Variants in STIM1 observed in about 807,000 individuals in gnomAD.
The protein encoded by STIM1 is stromal interaction molecule 1.
A neutral mutation model predicts 74.7 loss-of-function variants in STIM1; 25 were observed. The observed-to-expected ratio is 0.33, with a 90% CI of 0.24 to 0.47. STIM1 has a LOEUF of 0.47. Among genes scored for constraint, STIM1 ranks in the 20% least tolerant of loss-of-function variants. The pLI is 1.00. For synonymous variants in STIM1, 328 were observed against 348.8 expected (o/e 0.94, Z 0.66); for missense variants, 728 against 920.8 (o/e 0.79, Z 2.71).
chr11:3,892,872 C>G (rs750873366), intron 1 of STIM1: 3 of 1,587,388 alleles, frequency 1.9e-6, no homozygotes, highest in Non-Finnish European at 2.6e-6. Context: ...TCGAAGAACA[C>G]GGTGGGGTTA....
intron 2 of STIM1, chr11:3,989,041 A>G: frequency 9.5e-7 from 1 of 1,057,874 alleles, no homozygotes; most frequent in Admixed American, 2.1e-5. Context: ...CCTCCTTCTT[A>G]AAAATGTTTC....
intron 2 of STIM1, among the ~76,000 whole-genome samples, chr11:3,978,223 AC>A (rs1413277288): frequency 9.5e-5 from 14 of 147,588 alleles, no homozygotes; most frequent in African/African-American, 3.5e-4. Context: ...ATCTCGGCTT[AC>A]CGCAACCTCC....
chr11:3,969,845 T>A (rs920224965), intron 2 of STIM1, among the ~76,000 whole-genome samples: 4 of 152,210 alleles, frequency 2.6e-5, no homozygotes, highest in Non-Finnish European at 4.4e-5. Context: ...ACGACCATGA[T>A]GTAAGTATCT....
intron 1 of STIM1, among the ~76,000 whole-genome samples, chr11:3,897,726 C>T (rs1204525261): frequency 6.6e-6 from 1 of 151,152 alleles, no homozygotes; most frequent in Non-Finnish European, 1.5e-5. Context: ...CATGTGTTCT[C>T]ATTGTTCAAT....
intron 1 of STIM1, chr11:3,868,280 AATG>A (rs1252757739): frequency 6.6e-6 from 1 of 152,260 alleles, no homozygotes; most frequent in Non-Finnish European, 1.5e-5. Flanking sequence ...CGATGGTAAG[AATG>A]ATGATGACAG....
At chr11:3,959,404 G>T (rs2093259661) in intron 1 of STIM1, among the ~76,000 whole-genome samples, 1 of 152,192 alleles carries the variant, frequency 6.6e-6, no homozygotes, top group Non-Finnish European at 1.5e-5. Flanking sequence ...CTTTTTGGGA[G>T]ATATGGTTTT....
At chr11:4,010,430 C>T (rs755631936) in intron 2 of STIM1, among the ~76,000 whole-genome samples, 28 of 152,144 alleles carry the variant, frequency 1.8e-4, no homozygotes, top group African/African-American at 2.7e-4. Flanking sequence ...TTCAGCCTCC[C>T]GATGTGCTGG....
intron 1 of STIM1, among the ~76,000 whole-genome samples, chr11:3,906,136 G>T (rs889839385): frequency 2.0e-5 from 3 of 152,230 alleles, no homozygotes; most frequent in African/African-American, 7.2e-5. Flanking sequence ...GCCCAGAGGG[G>T]CTTATCCTTT....
intron 1 of STIM1, among the ~76,000 whole-genome samples, chr11:3,958,782 C>T (rs1202387860): frequency 1.3e-5 from 2 of 152,068 alleles, no homozygotes; most frequent in South Asian, 4.2e-4. Flanking sequence ...CCAGCCTGGC[C>T]AACATGGTGA....
intron 3 of STIM1, among the ~76,000 whole-genome samples, chr11:4,025,444 G>A (rs955400017): frequency 3.3e-5 from 5 of 152,228 alleles, no homozygotes; most frequent in African/African-American, 7.2e-5. Context: ...AATAGCTCTC[G>A]AGCAACTCAG....
At chr11:4,018,052 C>T (rs1013684467) in intron 2 of STIM1, among the ~76,000 whole-genome samples, 7 of 152,344 alleles carry the variant, frequency 4.6e-5, no homozygotes, top group South Asian at 2.1e-4. Flanking sequence ...GCATGGCTCA[C>T]GCCTATAATC....
At chr11:3,945,989 A>G (rs1432498737) in intron 1 of STIM1, among the ~76,000 whole-genome samples, 1 of 152,174 alleles carries the variant, frequency 6.6e-6, no homozygotes, top group East Asian at 1.9e-4. Flanking sequence ...TGTGAGAACT[A>G]TCATGAAGAC....
chr11:4,032,732 C>G (rs913851090), intron 3 of STIM1, among the ~76,000 whole-genome samples: 4 of 152,162 alleles, frequency 2.6e-5, no homozygotes, highest in African/African-American at 9.7e-5. Flanking sequence ...ACTTTCACAT[C>G]TTTTGTCAGA....
intron 12 of STIM1, chr11:4,088,602 T>G (rs1216270548): frequency 6.2e-6 from 7 of 1,133,588 alleles, no homozygotes; most frequent in Non-Finnish European, 7.7e-6. Context: ...AATTCCATGC[T>G]CCAAGGTTTA....
At position 3,889,667 on chromosome 11, in the gene STIM1, AAG is replaced by A. The variant is rs549816766; in HGVS notation, c.139+33259_139+33260del. ...AAATAAGAGGTTAAATTACTTGTTA[AAG>A]TCACTTTCTATTAGCCGTATCTAGG... On this transcript the variant is annotated intron_variant, in intron 1 of 12. Coordinates refer to ENST00000526596, the MANE Select transcript of STIM1 (RefSeq NM_001382567.1). Among the ~76,000 whole-genome samples, 314 of 152,292 alleles carry A rather than the reference AAG, an allele frequency of 2.1e-3. 2 individuals are homozygous for A. Among genetic ancestry groups the A allele is most frequent in the Middle Eastern group, 0.01 (3 of 294 alleles).
At position 4,088,481 on chromosome 11, in the gene STIM1, T is replaced by G. The variant is rs563859866; in HGVS notation, c.1634+1938T>G. 3 of 519,816 alleles carry G rather than the reference T, an allele frequency of 5.8e-6. No individual in the cohort carries two copies. In the Admixed American group the frequency reaches 8.9e-5, roughly 15 times the overall value. The allele number at this position is 519,816 out of a possible 1,614,324, so 32.2% of individuals were successfully genotyped here. A position where few individuals can be genotyped will look rare whatever the true frequency, so the allele number is the denominator to read the frequency against. On this transcript the variant is annotated intron_variant, in intron 12 of 12. Transcript: ENST00000526596. The stretch of plus-strand genomic sequence containing the variant: ...TAGGATTATTACTCAGCAGAGCCAC[T>G]CATATCCATTCTCATTCTCATTTTC...
At chr11:3,907,161 G>A (rs1196822202) in intron 1 of STIM1, among the ~76,000 whole-genome samples, 2 of 152,116 alleles carry the variant, frequency 1.3e-5, no homozygotes, top group African/African-American at 4.8e-5. Context: ...GAATAAAAAG[G>A]GGTTTATAAG....
At chr11:3,950,236 C>T (rs201115366) in intron 1 of STIM1, among the ~76,000 whole-genome samples, 3 of 151,206 alleles carry the variant, frequency 2.0e-5, no homozygotes, top group Middle Eastern at 3.4e-3. Context: ...TGGGTTCAAG[C>T]GATTCTCCTG....
intron 2 of STIM1, among the ~76,000 whole-genome samples, chr11:3,993,225 A>G (rs1590629494): frequency 6.6e-6 from 1 of 151,370 alleles, no homozygotes; most frequent in Non-Finnish European, 1.5e-5. Flanking sequence ...TCCCCTTGTC[A>G]CTCACTGTAG....
Sources: allele counts gnomAD v4.1 joint callset (sites outside exome capture counted in the v4.1 genomes callset), GRCh38; gene constraint gnomAD v4.1.1; transcripts MANE v1.5; gene names NCBI Gene and HGNC (gene_info 2026-07-23, HGNC 2026-07-21).